PDE4D: variants seen among roughly 807,000 people sequenced by gnomAD.
PDE4D encodes 3',5'-cyclic-AMP phosphodiesterase 4D.
PDE4D carries 24 observed loss-of-function variants against 87.4 expected under a neutral mutation model. The ratio of observed to expected loss-of-function variants is 0.27; its 90% confidence interval spans 0.20 to 0.39. The LOEUF (loss-of-function observed/expected upper bound fraction) is 0.39. PDE4D is among the 10% of genes least tolerant of loss of function. The pLI is 1.00. For synonymous variants in PDE4D, 384 were observed against 383.2 expected, an observed-to-expected ratio of 1.00 and a Z score of -0.02; for missense variants, 714 against 1,041.0, an observed-to-expected ratio of 0.69 and a Z score of 4.32.
At chr5:59,649,107 C>T (rs568834716) in intron 1 of PDE4D, among the ~76,000 whole-genome samples, 16 of 152,196 alleles carry the variant, frequency 1.1e-4, no homozygotes, top group Admixed American at 3.3e-4. Flanking sequence ...AACCTGAAAA[C>T]AGGGCAGCCG....
At chr5:60,139,225 T>G (rs554112992) in intron 2 of PDE4D, among the ~76,000 whole-genome samples, 1 of 152,116 alleles carries the variant, frequency 6.6e-6, no homozygotes, top group Admixed American at 6.6e-5. Flanking sequence ...ATAGACTAAT[T>G]CATTCACAAT....
chr5:59,108,162 T>G (rs1771950302), intron 5 of PDE4D, among the ~76,000 whole-genome samples: 1 of 152,210 alleles, frequency 6.6e-6, no homozygotes, highest in South Asian at 2.1e-4. Flanking sequence ...TTTATCAACA[T>G]TTTAAATCAC....
At chr5:59,168,671 A>G (rs1362154420) in intron 5 of PDE4D, among the ~76,000 whole-genome samples, 1 of 151,742 alleles carries the variant, frequency 6.6e-6, no homozygotes, top group East Asian at 1.9e-4. Context: ...AAGAAAAAAG[A>G]AAAAGAAAGA....
At chr5:59,100,828 G>T (rs372995972) in intron 5 of PDE4D, among the ~76,000 whole-genome samples, 68 of 152,162 alleles carry the variant, frequency 4.5e-4, no homozygotes, top group African/African-American at 1.6e-3. Context: ...GACCAGGGCT[G>T]CCCTTTCAAT....
intron 1 of PDE4D, chr5:60,459,972 A>G: frequency 1.3e-6 from 1 of 793,642 alleles, no homozygotes; most frequent in African/African-American, 1.7e-5. Context: ...CATCATCATC[A>G]TCTTCTTCTC....
At chr5:60,346,568 T>G (rs1004281785) in intron 1 of PDE4D, among the ~76,000 whole-genome samples, 1 of 152,132 alleles carries the variant, frequency 6.6e-6, no homozygotes, top group Admixed American at 6.6e-5. Context: ...TTGTGCCCAA[T>G]CTACTGGGCA....
chr5:59,990,486 T>G (rs1357991966), intron 2 of PDE4D, among the ~76,000 whole-genome samples: 3 of 152,160 alleles, frequency 2.0e-5, no homozygotes, highest in African/African-American at 7.2e-5. Context: ...TGGGTTGTAT[T>G]GTCCAGTTGT....
chr5:59,532,530 T>C (rs968714773), intron 1 of PDE4D, among the ~76,000 whole-genome samples: 3 of 152,218 alleles, frequency 2.0e-5, no homozygotes, highest in African/African-American at 4.8e-5. Flanking sequence ...GCCCACTTCA[T>C]AGAGTGGTTT....
At chr5:60,352,690 A>T (rs927118872) in intron 1 of PDE4D, among the ~76,000 whole-genome samples, 8 of 152,190 alleles carry the variant, frequency 5.3e-5, no homozygotes, top group Admixed American at 1.3e-4. Flanking sequence ...TTATAGCTCA[A>T]ACAACTCAAT....
At chr5:60,406,410 T>A (rs1316445073) in intron 1 of PDE4D, among the ~76,000 whole-genome samples, 2 of 152,186 alleles carry the variant, frequency 1.3e-5, no homozygotes, top group Non-Finnish European at 2.9e-5. Context: ...AGTGCACGAT[T>A]TATAACCGCC....
chr5:60,210,400 A>C (rs1743059311), intron 1 of PDE4D, among the ~76,000 whole-genome samples: 1 of 152,144 alleles, frequency 6.6e-6, no homozygotes, highest in Admixed American at 6.5e-5. Flanking sequence ...TAAAGAAAGC[A>C]GCCTCATTAA....
chr5:59,067,947 G>A (rs890823238), intron 5 of PDE4D, among the ~76,000 whole-genome samples: 2 of 152,148 alleles, frequency 1.3e-5, no homozygotes, highest in Non-Finnish European at 2.9e-5. Context: ...AAAGGTACTT[G>A]GAGACTCATA....
intron 1 of PDE4D, among the ~76,000 whole-genome samples, chr5:59,487,991 T>C (rs1254963021): frequency 6.6e-6 from 1 of 152,032 alleles, no homozygotes; most frequent in Middle Eastern, 3.2e-3. Context: ...ACACACAGTG[T>C]GTACACAGAG....
At chr5:59,308,543 A>G (rs188684063) in intron 1 of PDE4D, among the ~76,000 whole-genome samples, 1 of 151,984 alleles carries the variant, frequency 6.6e-6, no homozygotes, top group Non-Finnish European at 1.5e-5. Context: ...TTGTTTGAGG[A>G]GGCTGAAGAT....
At chr5:59,523,110 TTCTC>T (rs1025093475) in intron 1 of PDE4D, among the ~76,000 whole-genome samples, 1 of 152,118 alleles carries the variant, frequency 6.6e-6, no homozygotes, top group African/African-American at 2.4e-5. Context: ...TATCTTCTGC[TTCTC>T]TCTCTCATTT....
chr5:60,045,213 GTT>G (rs1029868935), intron 2 of PDE4D, among the ~76,000 whole-genome samples: 2 of 151,844 alleles, frequency 1.3e-5, no homozygotes, highest in South Asian at 4.2e-4. Context: ...GGGGTTGTTT[GTT>G]TTTTTCTTGT....
At chr5:58,979,645 G>T (rs924798942) in intron 11 of PDE4D, among the ~76,000 whole-genome samples, 1 of 152,164 alleles carries the variant, frequency 6.6e-6, no homozygotes, top group Non-Finnish European at 1.5e-5. Flanking sequence ...GAGGGGCAAA[G>T]AGGTTAGCTT....
At position 60,197,018 on chromosome 5, in the gene PDE4D, CAGATAGATAGATAGAT is replaced by C. The variant is rs201360208; in HGVS notation, c.-89-11347_-89-11332del. Reference sequence around the variant, plus strand: ...GCCTCTCTGGCAAAAACAAGATAGGCAGATAGATAGATAGATAGATAGATAGATAGATAGATAGATA... The same window carrying C: ...GCCTCTCTGGCAAAAACAAGATAGGCAGATAGATAGATAGATAGATAGATA... On this transcript the variant is annotated intron_variant, in intron 1 of 16. Transcript: ENST00000502484. Among the ~76,000 whole-genome samples the C allele has an allele frequency of 3.4e-3, 418 of 123,572 alleles. 6 individuals are homozygous for C. Among genetic ancestry groups the C allele is most frequent in the African/African-American group, 0.012 (389 of 33,682 alleles). The allele number at this position is 123,572 out of a possible 152,430, so 81.1% of individuals were successfully genotyped here.
intron 1 of PDE4D, among the ~76,000 whole-genome samples, chr5:59,229,722 A>G (rs1754710233): frequency 6.6e-6 from 1 of 152,202 alleles, no homozygotes; most frequent in Non-Finnish European, 1.5e-5. Context: ...ATCTGAGGTA[A>G]TTACATATCA....
Sources: allele counts gnomAD v4.1 joint callset (sites outside exome capture counted in the v4.1 genomes callset), GRCh38; gene constraint gnomAD v4.1.1; transcripts MANE v1.5; gene names NCBI Gene and HGNC (gene_info 2026-07-23, HGNC 2026-07-21).